Variants in RAP1GAP2 observed in about 807,000 individuals in gnomAD.
RAP1GAP2 encodes the protein RAP1 GTPase activating protein 2, also known as rap1 GTPase-activating protein 2.
In RAP1GAP2, 27 loss-of-function variants were observed where a neutral mutation model predicts 95.0. The ratio of observed to expected loss-of-function variants is 0.28; its 90% CI spans 0.21 to 0.39. RAP1GAP2 has a LOEUF of 0.39. RAP1GAP2 is among the 10% of genes least tolerant of loss of function. RAP1GAP2 has a pLI of 1.00. For missense variants in RAP1GAP2, 771 were observed against 970.0 expected, an observed-to-expected ratio of 0.79 and a Z score of 2.72; for synonymous variants, 373 against 380.9, an observed-to-expected ratio of 0.98 and a Z score of 0.24.
chr17:2,852,373 C>G (rs979818760), intron 2 of RAP1GAP2, among the ~76,000 whole-genome samples: 1 of 152,132 alleles, frequency 6.6e-6, no homozygotes, highest in African/African-American at 2.4e-5. Flanking sequence ...CCAGTGGTAA[C>G]GGCTGCTTCA....
chr17:2,920,781 C>T (rs1292251847), intron 3 of RAP1GAP2, among the ~76,000 whole-genome samples: 2 of 152,180 alleles, frequency 1.3e-5, no homozygotes, highest in Non-Finnish European at 2.9e-5. Flanking sequence ...ATTGATAATC[C>T]CGCCCTTCTG....
In RAP1GAP2 at chr17:3,029,406, A is replaced by G. The variant is rs1382954698; in HGVS notation, c.2108-1516A>G. 6.6e-6 allele frequency among the ~76,000 whole-genome samples: 1 copy of G among 152,062 alleles called. No homozygotes were observed. The highest frequency in any genetic ancestry group is 3.2e-3 in the Middle Eastern group (1 of 316). On this transcript the variant is annotated intron_variant, in intron 22 of 24. Coordinates refer to ENST00000254695, the MANE Select transcript of RAP1GAP2 (RefSeq NM_015085.5). The surrounding 1 kb of genome is among the most constrained non-coding windows in gnomAD (Gnocchi z 4.4). ...ATGGGCTGCTTTTCACCCCCAGCCC[A>G]CGAAAGATGTGCTTGGTACCCACTG...
chr17:2,933,637 T>A, intron 3 of RAP1GAP2, among the ~76,000 whole-genome samples: 1 of 152,234 alleles, frequency 6.6e-6, no homozygotes, highest in Non-Finnish European at 1.5e-5. Context: ...CCTGCTCACT[T>A]TCCTGCCTCT....
chr17:2,909,730 A>T (rs913171326), intron 3 of RAP1GAP2, among the ~76,000 whole-genome samples: 19 of 151,876 alleles, frequency 1.3e-4, no homozygotes, highest in African/African-American at 4.6e-4. Flanking sequence ...CTCCCCTTTG[A>T]GCTCAGCTCA....
At chr17:2,907,268 G>A (rs1426687483) in intron 3 of RAP1GAP2, among the ~76,000 whole-genome samples, 2 of 152,148 alleles carry the variant, frequency 1.3e-5, no homozygotes, top group African/African-American at 4.8e-5. Context: ...TGAGGGAGGG[G>A]TAGGTCCTAG....
intron 2 of RAP1GAP2, among the ~76,000 whole-genome samples, chr17:2,865,843 C>T (rs2072593271): frequency 1.3e-5 from 2 of 152,196 alleles, no homozygotes; most frequent in African/African-American, 4.8e-5. Flanking sequence ...TGCCAGCCCT[C>T]TTGGTGGCAT....
rs34361441 is a variant in RAP1GAP2, at chr17:2,827,086, T to C, written c.80+26536T>C. ...TCCCATGGAAATGGGGGTTTCACAT[T>C]TGGGGGATTTGCAAAGTAGTCACGT... On this transcript the variant is annotated intron_variant, in intron 2 of 24. Coordinates refer to ENST00000254695, the MANE Select transcript of RAP1GAP2 (RefSeq NM_015085.5). This position sits in a 1 kb window ranked among gnomAD's most constrained non-coding sequence, Gnocchi z 4.1. Among the ~76,000 whole-genome samples the C allele has an allele frequency of 0.81, 122,975 of 152,114 alleles. 50,414 individuals carry two copies. Among genetic ancestry groups the C allele is most frequent in the African/African-American group, 0.95 (39,422 of 41,556 alleles).
At chr17:2,850,674 C>T (rs537445012) in intron 2 of RAP1GAP2, among the ~76,000 whole-genome samples, 5 of 145,336 alleles carry the variant, frequency 3.4e-5, no homozygotes, top group East Asian at 2.1e-4. Context: ...GGCATGAACC[C>T]GGTTGGCGGA....
chr17:2,865,437 G>C (rs1404454420), intron 2 of RAP1GAP2, among the ~76,000 whole-genome samples: 2 of 152,206 alleles, frequency 1.3e-5, no homozygotes, highest in Admixed American at 1.3e-4. Context: ...TGTCAGATAA[G>C]CTGAAAGGTC....
intron 2 of RAP1GAP2, among the ~76,000 whole-genome samples, chr17:2,860,260 G>A (rs1258681622): frequency 6.6e-6 from 1 of 152,156 alleles, no homozygotes; most frequent in Admixed American, 6.5e-5. Context: ...GGAAGGGCCT[G>A]TCTCCTGTCC....
At chr17:2,983,582 G>T (rs2045451854) in intron 10 of RAP1GAP2, among the ~76,000 whole-genome samples, 1 of 152,144 alleles carries the variant, frequency 6.6e-6, no homozygotes, top group African/African-American at 2.4e-5. Flanking sequence ...ATTCAGCTCA[G>T]ATCACTCAAG....
Position 3,003,575 on chromosome 17 carries a change from T to C in RAP1GAP2, c.1201-1794T>C, listed in dbSNP as rs1447984480. On this transcript the variant is annotated intron_variant, in intron 14 of 24. Coordinates refer to ENST00000254695, the MANE Select transcript of RAP1GAP2 (RefSeq NM_015085.5). The surrounding 1 kb of genome is among the most constrained non-coding windows in gnomAD (Gnocchi z 4.1). ...GGGGCCTTTGTCACGTTTGAAGCTTTCTGAGGTTCCCAGTGCATCCTCATG... is the reference window on the plus strand; with the variant it reads ...GGGGCCTTTGTCACGTTTGAAGCTTCCTGAGGTTCCCAGTGCATCCTCATG... Among the ~76,000 whole-genome samples, 1 of 152,154 alleles carries C rather than the reference T, an allele frequency of 6.6e-6. No individual in the cohort carries two copies. Among genetic ancestry groups the C allele is most frequent in the Non-Finnish European group, 1.5e-5 (1 of 68,028 alleles).
At chr17:2,972,919 T>C (rs985102454) in intron 8 of RAP1GAP2, among the ~76,000 whole-genome samples, 2 of 152,198 alleles carry the variant, frequency 1.3e-5, no homozygotes, top group East Asian at 3.9e-4. Context: ...TAGAAGGCAT[T>C]CAGTCCAAAT....
intron 1 of RAP1GAP2, among the ~76,000 whole-genome samples, chr17:2,781,909 T>A (rs1026840192): frequency 1.3e-5 from 2 of 151,970 alleles, no homozygotes; most frequent in African/African-American, 4.8e-5. Context: ...TGTGTGCAGG[T>A]CTCTGTGTGG....
chr17:2,936,673 T>C (rs1315613938), intron 3 of RAP1GAP2, among the ~76,000 whole-genome samples: 1 of 152,086 alleles, frequency 6.6e-6, no homozygotes, highest in African/African-American at 2.4e-5. Context: ...GCTCTGATAT[T>C]GAGTCTTGCT....
At chr17:2,838,648 G>A (rs943943151) in intron 2 of RAP1GAP2, among the ~76,000 whole-genome samples, 4 of 152,278 alleles carry the variant, frequency 2.6e-5, no homozygotes, top group African/African-American at 9.6e-5. Context: ...GAAGGGAGGC[G>A]GGTGGAATTG....
At chr17:2,865,439 T>C (rs2072580054) in intron 2 of RAP1GAP2, among the ~76,000 whole-genome samples, 1 of 152,182 alleles carries the variant, frequency 6.6e-6, no homozygotes, top group Non-Finnish European at 1.5e-5. Context: ...TCAGATAAGC[T>C]GAAAGGTCTC....
intron 24 of RAP1GAP2, among the ~76,000 whole-genome samples, 151 bp downstream of exon 24, chr17:3,032,600 T>C (rs1449305535): frequency 6.6e-6 from 1 of 152,146 alleles, no homozygotes; most frequent in Non-Finnish European, 1.5e-5. Context: ...CCTGAAGACC[T>C]GCAATGGGGA....
chr17:2,923,405 C>T (rs1280731783), intron 3 of RAP1GAP2, among the ~76,000 whole-genome samples: 1 of 151,298 alleles, frequency 6.6e-6, no homozygotes, highest in East Asian at 2.0e-4. Flanking sequence ...AATCTTGGCT[C>T]ACTGCACCCT....
Sources: allele counts gnomAD v4.1 joint callset (sites outside exome capture counted in the v4.1 genomes callset), GRCh38; gene constraint gnomAD v4.1.1; non-coding constraint Gnocchi (gnomAD v3.1); transcripts MANE v1.5; gene names NCBI Gene and HGNC (gene_info 2026-07-23, HGNC 2026-07-21).